FAM241A: variants seen among roughly 807,000 people sequenced by gnomAD.
FAM241A encodes family with sequence similarity 241 member A, also known as uncharacterized protein FAM241A.
Under a neutral mutation model 12.2 loss-of-function variants are expected in FAM241A, and 7 were observed. The ratio of observed to expected loss-of-function variants is 0.58; its 90% CI spans 0.33 to 1.08. FAM241A has a LOEUF of 1.08. FAM241A is among the 50% of genes least tolerant of loss of function. FAM241A has a pLI of 0.04. For missense variants in FAM241A, 161 were observed against 169.7 expected (o/e 0.95, Z 0.29); for synonymous variants, 74 against 68.2 (o/e 1.08, Z -0.42).
At chr4:112,149,403 A>G (rs1287970254) in intron 1 of FAM241A, among the ~76,000 whole-genome samples, 1 of 152,194 alleles carries the variant, frequency 6.6e-6, no homozygotes. Context: ...ATTCTATGTG[A>G]AAACTCTCTT....
intron 1 of FAM241A, chr4:112,171,634 C>T (rs892107360): frequency 3.7e-5 from 19 of 519,134 alleles, no homozygotes; most frequent in Non-Finnish European, 6.3e-5. Context: ...CCGAGGCGGG[C>T]GAATCACGAG....
At chr4:112,169,485 A>G (rs188038647) in intron 1 of FAM241A, among the ~76,000 whole-genome samples, 2 of 152,340 alleles carry the variant, frequency 1.3e-5, no homozygotes, top group Admixed American at 6.5e-5. Context: ...AGAAATAGCA[A>G]CACCTCTAAG....
At position 112,186,702 on chromosome 4, in the gene FAM241A, G is replaced by C; in HGVS notation, c.163G>C (p.Asp55His). 1 of 1,596,342 alleles carries C rather than the reference G, an allele frequency of 6.3e-7. No homozygotes were observed. Among genetic ancestry groups the C allele is most frequent in the Non-Finnish European group, 8.5e-7 (1 of 1,169,602 alleles). Residue 55 changes from aspartate (D) to histidine (H), a missense_variant, in exon 2 of 2, where the codon GAC becomes CAC. By Grantham distance (81) the Asp-to-His change is moderately conservative. Coordinates refer to ENST00000309733, the MANE Select transcript of FAM241A (RefSeq NM_152400.3). ...TTTTTTTTTTTTAAAGGATGTTGAA[G>C]ACTCACAGAACCACACTGGTGAGCC... is the stretch of plus-strand genomic sequence containing the variant. Reference protein sequence around the residue: ...RPKESEQDVEDSQNHTGEPVG... With the variant: ...RPKESEQDVEHSQNHTGEPVG...
intron 1 of FAM241A, among the ~76,000 whole-genome samples, chr4:112,159,821 T>C: frequency 6.6e-6 from 1 of 152,164 alleles, no homozygotes; most frequent in East Asian, 1.9e-4. Context: ...GCTAGTATCA[T>C]ACTAAATGGA....
chr4:112,184,737 T>C (rs764282311), intron 1 of FAM241A, among the ~76,000 whole-genome samples: 6 of 152,220 alleles, frequency 3.9e-5, no homozygotes, highest in African/African-American at 7.2e-5. Context: ...TTTTCTATTT[T>C]AAACAAAAGT....
At chr4:112,163,934 A>G (rs1289400867) in intron 1 of FAM241A, among the ~76,000 whole-genome samples, 1 of 152,274 alleles carries the variant, frequency 6.6e-6, no homozygotes, top group Non-Finnish European at 1.5e-5. Context: ...CTATGCAGCC[A>G]TAAAAAATGA....
At position 112,191,311 on chromosome 4, in the gene FAM241A, A is replaced by G. The variant is rs1337680945; in HGVS notation, c.*4373A>G. On this transcript the variant is annotated 3_prime_UTR_variant, in exon 2 of 2. Transcript: ENST00000309733. ...CCATTCTGCCATCATCTCACCTGGC[A>G]TGCTGAGAATCCTGATTAGCCTCCC... The G allele has an allele frequency of 1.3e-5, 2 of 152,200 alleles. No individual in the cohort carries two copies. The highest frequency in any genetic ancestry group is 1.5e-5 in the Non-Finnish European group (1 of 68,036). The allele number at this position is 152,200 out of a possible 1,614,324, so 9.4% of individuals were successfully genotyped here.
chr4:112,166,671 A>C lies in FAM241A; in HGVS notation c.154-20022A>C, dbSNP rs188697456. Among the ~76,000 whole-genome samples, 113 of 152,152 alleles carry C rather than the reference A, an allele frequency of 7.4e-4. 2 individuals carry two copies. Among genetic ancestry groups the C allele is most frequent in the Non-Finnish European group, 2.1e-4 (14 of 68,000 alleles). ...GGGGAAGTCCTCTGGTGTCAGTTAG[A>C]CCTCTGGAGTCTAATAGCACCCACC... On this transcript the variant is annotated intron_variant, in intron 1 of 1. Transcript: ENST00000309733.
At chr4:112,160,822 A>G (rs531733432) in intron 1 of FAM241A, among the ~76,000 whole-genome samples, 7 of 152,232 alleles carry the variant, frequency 4.6e-5, no homozygotes, top group African/African-American at 1.4e-4. Context: ...AGTCTCTTCA[A>G]TAAATGATGC....
intron 1 of FAM241A, among the ~76,000 whole-genome samples, chr4:112,160,182 A>C (rs1418902073): frequency 6.6e-6 from 1 of 152,136 alleles, no homozygotes; most frequent in Non-Finnish European, 1.5e-5. Context: ...CCAGGTGGAC[A>C]GATTACTTGA....
chr4:112,148,992 G>A (rs188569761), intron 1 of FAM241A, among the ~76,000 whole-genome samples: 78 of 152,164 alleles, frequency 5.1e-4, no homozygotes, highest in African/African-American at 1.8e-3. Flanking sequence ...TAGCTTTAAC[G>A]TCTTTATGAT....
rs1205227108 is a variant in FAM241A, at chr4:112,193,397, G to A, written c.*6459G>A. The A allele has an allele frequency of 2.0e-5, 3 of 151,990 alleles. No individual in the cohort carries two copies. Among genetic ancestry groups the A allele is most frequent in the Non-Finnish European group, 4.4e-5 (3 of 68,006 alleles). The allele number at this position is 151,990 out of a possible 1,614,324, so 9.4% of individuals were successfully genotyped here. A position where few individuals can be genotyped will look rare whatever the true frequency, so the allele number is the denominator to read the frequency against. On this transcript the variant is annotated 3_prime_UTR_variant, in exon 2 of 2. Coordinates refer to ENST00000309733, the MANE Select transcript of FAM241A (RefSeq NM_152400.3). The stretch of plus-strand genomic sequence containing the variant: ...TTGTCTTTTGTTGCCATTGCTTTTG[G>A]TGTTTTAGACATGAAGTCCTTGCCC...
intron 1 of FAM241A, 21 bp downstream of exon 1, chr4:112,145,754 CGGCGAAGCGGCCGGGTCGGG>C (rs1262118666): frequency 3.7e-6 from 4 of 1,089,518 alleles, no homozygotes; most frequent in African/African-American, 1.7e-5. Flanking sequence ...GGAGGGGCGG[CGGCGAAGCGGCCGGGTCGGG>C]GGCCGCGAGC....
rs1345144339 is a variant in FAM241A at position 112,193,901 on chromosome 4, T to C, written c.*6963T>C. ...TCTGTGAAGAAAGTCATTGGTAGCT[T>C]GATGGGGATGGCATTGAATCTATAA... On this transcript the variant is annotated 3_prime_UTR_variant, in exon 2 of 2. Coordinates refer to ENST00000309733, the MANE Select transcript of FAM241A (RefSeq NM_152400.3). 6.1e-5 allele frequency: 9 copies of C among 148,584 alleles called. No individual in the cohort carries two copies. The highest frequency in any genetic ancestry group is 1.3e-4 in the Admixed American group (2 of 14,882). 9.2% of individuals were successfully genotyped at this position (148,584 alleles called of 1,614,324 possible).
intron 1 of FAM241A, among the ~76,000 whole-genome samples, chr4:112,177,253 C>T (rs1350300859): frequency 6.6e-6 from 1 of 151,182 alleles, no homozygotes; most frequent in Non-Finnish European, 1.5e-5. Context: ...GATAGTGATA[C>T]TCATTTTGCT....
intron 1 of FAM241A, among the ~76,000 whole-genome samples, chr4:112,147,658 C>T (rs1723167341): frequency 1.3e-5 from 2 of 152,076 alleles, no homozygotes; most frequent in African/African-American, 4.8e-5. Flanking sequence ...GAACATATCC[C>T]AAGGACTCAT....
intron 1 of FAM241A, among the ~76,000 whole-genome samples, chr4:112,172,626 T>G (rs755381247): frequency 1.3e-5 from 2 of 152,182 alleles, no homozygotes; most frequent in Admixed American, 6.5e-5. Flanking sequence ...TTGATCACAT[T>G]TTGCCTTAAA....
At chr4:112,177,583 A>G (rs115790822) in intron 1 of FAM241A, among the ~76,000 whole-genome samples, 195 of 152,288 alleles carry the variant, frequency 1.3e-3, no homozygotes, top group African/African-American at 4.5e-3. Context: ...AGATTGTTGC[A>G]AAGATCAAAC....
intron 1 of FAM241A, among the ~76,000 whole-genome samples, chr4:112,159,756 G>T (rs564293320): frequency 1.3e-5 from 2 of 152,174 alleles, no homozygotes; most frequent in South Asian, 4.1e-4. Context: ...CTAAAAAACT[G>T]GATATAGAAA....
Sources: gnomAD v4.1 joint callset for allele counts (sites outside exome capture counted in the v4.1 genomes callset) on GRCh38, gnomAD v4.1.1 for gene constraint, MANE v1.5 for transcripts, NCBI Gene and HGNC (gene_info 2026-07-23, HGNC 2026-07-21) for gene names.